The following CENPW variants were observed in gnomAD, a reference collection of about 807,000 sequenced individuals.
The protein encoded by CENPW is cancer-up-regulated gene 2 protein.
In CENPW, 3 loss-of-function variants were observed where a neutral mutation model predicts 11.1. The ratio of observed to expected loss-of-function variants is 0.27; its 90% CI spans 0.12 to 0.70. The LOEUF (loss-of-function observed/expected upper bound fraction) is 0.70. CENPW is among the 30% of genes least tolerant of loss of function. CENPW has a pLI of 0.77. For synonymous variants in CENPW, 38 were observed against 42.0 expected (o/e 0.91, Z 0.37); for missense variants, 100 against 105.6 (o/e 0.95, Z 0.23).
At chr6:126,443,162 A>T in the CENPW span, among the ~76,000 whole-genome samples, 85 of 151,366 alleles carry the variant, frequency 5.6e-4, 1 homozygote, top group East Asian at 0.011. Context: ...TGCTTCATAA[A>T]TTTTTTTAAG....
chr6:126,447,209 T>C, the CENPW span, among the ~76,000 whole-genome samples: 1 of 151,236 alleles, frequency 6.6e-6, no homozygotes, highest in Non-Finnish European at 1.5e-5. Flanking sequence ...TGCCCAGGAA[T>C]CTGCATTTTA....
At chr6:126,453,109 A>G in the CENPW span, among the ~76,000 whole-genome samples, 1 of 151,240 alleles carries the variant, frequency 6.6e-6, no homozygotes, top group Non-Finnish European at 1.5e-5. Context: ...AGGGATGGAG[A>G]GAAAGCAAGC....
the CENPW span, among the ~76,000 whole-genome samples, chr6:126,390,809 T>C: frequency 6.6e-6 from 1 of 152,038 alleles, no homozygotes; most frequent in Non-Finnish European, 1.5e-5. Flanking sequence ...GATCTTATTC[T>C]TTTTTATGGC....
the CENPW span, among the ~76,000 whole-genome samples, chr6:126,358,009 T>C: frequency 6.6e-6 from 1 of 152,210 alleles, no homozygotes; most frequent in South Asian, 2.1e-4. Context: ...TCCATGACTT[T>C]CAGTTTGAAT....
the CENPW span, among the ~76,000 whole-genome samples, chr6:126,419,830 C>T: frequency 8.3e-4 from 127 of 152,228 alleles, 1 homozygote; most frequent in Middle Eastern, 0.01. Context: ...CACTGAGTCT[C>T]CCACTTTTCT....
At chr6:126,384,479 T>C in the CENPW span, among the ~76,000 whole-genome samples, 1 of 152,054 alleles carries the variant, frequency 6.6e-6, no homozygotes, top group South Asian at 2.1e-4. Flanking sequence ...ACTGCACACC[T>C]ACAACCATCT....
chr6:126,373,318 C>A, the CENPW span, among the ~76,000 whole-genome samples: 1,281 of 152,260 alleles, frequency 8.4e-3, 14 homozygotes, highest in African/African-American at 0.03. Flanking sequence ...CATTCTGTGT[C>A]CTTAAGAAGT....
the CENPW span, among the ~76,000 whole-genome samples, chr6:126,395,332 G>A: frequency 5.9e-5 from 9 of 151,852 alleles, no homozygotes; most frequent in Non-Finnish European, 7.4e-5. Context: ...ACTTTGATAC[G>A]TTCTTCAGTA....
the CENPW span, among the ~76,000 whole-genome samples, chr6:126,456,440 A>C: frequency 6.6e-6 from 1 of 151,626 alleles, no homozygotes; most frequent in Non-Finnish European, 1.5e-5. Flanking sequence ...GTCAACAAAA[A>C]CAAACAATGA....
At chr6:126,352,910 A>G (rs1158074062), downstream of CENPW, among the ~76,000 whole-genome samples, 1 of 152,024 alleles carries the variant, frequency 6.6e-6, no homozygotes, top group East Asian at 1.9e-4. Flanking sequence ...CTCTAGTTAT[A>G]CATTCTTATA....
chr6:126,344,798 T>C (rs769060938), intron 1 of CENPW, among the ~76,000 whole-genome samples: 2 of 152,204 alleles, frequency 1.3e-5, no homozygotes, highest in African/African-American at 2.4e-5. Flanking sequence ...GATTTCTGCA[T>C]TATATAAAGC....
the CENPW span, among the ~76,000 whole-genome samples, chr6:126,417,318 T>G: frequency 2.0e-5 from 3 of 152,200 alleles, no homozygotes; most frequent in African/African-American, 7.2e-5. Context: ...TACTGGCTCA[T>G]GGGCAGAAGG....
the CENPW span, among the ~76,000 whole-genome samples, chr6:126,359,444 G>A: frequency 1.3e-5 from 2 of 152,060 alleles, no homozygotes; most frequent in African/African-American, 2.4e-5. Flanking sequence ...GGTCAAATCA[G>A]TCAAGTGTTG....
chr6:126,471,081 A>G, the CENPW span, among the ~76,000 whole-genome samples: 14 of 152,262 alleles, frequency 9.2e-5, no homozygotes, highest in Non-Finnish European at 1.8e-4. Context: ...AAACGTGAAA[A>G]GGACATGAGA....
intron 1 of CENPW, among the ~76,000 whole-genome samples, chr6:126,341,597 A>G (rs990580850): frequency 2.6e-5 from 4 of 152,222 alleles, no homozygotes; most frequent in African/African-American, 9.6e-5. Flanking sequence ...AAATCTTGTA[A>G]GAAGAGGCAA....
Position 126,346,313 on chromosome 6 carries a change from G to A in CENPW, c.235G>A (p.Ala79Thr). The A allele has an allele frequency of 6.3e-7, 1 of 1,581,064 alleles. No homozygotes were observed. Residue 79 changes from alanine to threonine, a missense_variant, in exon 2 of 3, where the codon GCA (alanine) becomes ACA (threonine). Transcript: ENST00000368328. ...VINKEHVLAA[A>T]KVILKKSRG ...TAACAAGGAGCATGTACTGGCCGCA[G>A]CAAAGGTAAAATCCAAATTTCTTTT...
the CENPW span, among the ~76,000 whole-genome samples, chr6:126,389,704 G>A: frequency 6.6e-6 from 1 of 151,294 alleles, no homozygotes; most frequent in East Asian, 1.9e-4. Flanking sequence ...AGAAAACCAG[G>A]AATTATGTAA....
the CENPW span, among the ~76,000 whole-genome samples, chr6:126,397,904 C>T: frequency 1.3e-5 from 2 of 152,158 alleles, no homozygotes; most frequent in Non-Finnish European, 1.5e-5. Flanking sequence ...GCTCTTAACC[C>T]TCTTTTTTCT....
chr6:126,406,524 A>G, the CENPW span, among the ~76,000 whole-genome samples: 2 of 152,254 alleles, frequency 1.3e-5, no homozygotes, highest in Non-Finnish European at 2.9e-5. Context: ...CAATTTTCAA[A>G]AATAGTTGGA....
Sources: gnomAD v4.1 joint callset for allele counts (sites outside exome capture counted in the v4.1 genomes callset) on GRCh38, gnomAD v4.1.1 for gene constraint, MANE v1.5 for transcripts, NCBI Gene and HGNC (gene_info 2026-07-23, HGNC 2026-07-21) for gene names.